COL4A4: variants seen among roughly 807,000 people sequenced by gnomAD.
The protein encoded by COL4A4 is collagen alpha-4(IV) chain.
Under a neutral mutation model 192.9 loss-of-function variants are expected in COL4A4, and 105 were observed. The observed-to-expected ratio is 0.54, with a 90% CI of 0.46 to 0.64. The LOEUF is 0.64. Among genes scored for constraint, COL4A4 ranks in the 30% least tolerant of loss-of-function variants. The probability of loss-of-function intolerance (pLI) is 0.00; values close to 1 mark genes in which losing one functional copy is unlikely to be tolerated. For synonymous variants in COL4A4, 762 were observed against 769.9 expected, an observed-to-expected ratio of 0.99 and a Z score of 0.17; for missense variants, 1,967 against 2,169.3, an observed-to-expected ratio of 0.91 and a Z score of 1.85.
chr2:227,058,809 T>C (rs1368879664), intron 28 of COL4A4, among the ~76,000 whole-genome samples: 2 of 152,110 alleles, frequency 1.3e-5, no homozygotes, highest in Non-Finnish European at 2.9e-5. Flanking sequence ...TTAAGTACAT[T>C]AAAACCTGAA....
At chr2:227,010,216 A>C in intron 46 of COL4A4, 97 bp downstream of exon 46, 1 of 1,238,640 alleles carries the variant, frequency 8.1e-7, no homozygotes, top group Non-Finnish European at 1.2e-6. Context: ...ATAATCCCAT[A>C]TAAGGTTAGT....
chr2:227,029,750 C>CA (rs752391457), intron 41 of COL4A4, among the ~76,000 whole-genome samples: 102 of 152,142 alleles, frequency 6.7e-4, no homozygotes, highest in South Asian at 2.1e-3. Flanking sequence ...CTGATCTCCC[C>CA]AAATATTAGC....
chr2:227,031,041 A>AGATGGATGGATGGACG (rs1968258291), intron 40 of COL4A4, among the ~76,000 whole-genome samples: 1 of 146,240 alleles, frequency 6.8e-6, no homozygotes, highest in Non-Finnish European at 1.5e-5. Flanking sequence ...TTGGATGGAC[A>AGATGGATGGATGGACG]GATGGATGGA....
intron 13 of COL4A4, among the ~76,000 whole-genome samples, chr2:227,103,523 C>G (rs2060642553): frequency 6.6e-6 from 1 of 152,176 alleles, no homozygotes; most frequent in Non-Finnish European, 1.5e-5. Context: ...ACAATAGAAT[C>G]TTCATGTGGC....
intron 12 of COL4A4, among the ~76,000 whole-genome samples, chr2:227,105,932 T>G (rs921357132): frequency 6.6e-6 from 1 of 152,036 alleles, no homozygotes; most frequent in Non-Finnish European, 1.5e-5. Flanking sequence ...ATAGATAATA[T>G]ACATAAAATG....
intron 42 of COL4A4, among the ~76,000 whole-genome samples, chr2:227,027,184 G>A (rs1465693632): frequency 2.0e-5 from 3 of 151,328 alleles, no homozygotes; most frequent in East Asian, 1.9e-4. Context: ...CCCAGGAGGC[G>A]GAGGCTGCAG....
intron 4 of COL4A4, among the ~76,000 whole-genome samples, chr2:227,127,650 G>A (rs1285486854): frequency 2.0e-5 from 3 of 152,158 alleles, no homozygotes; most frequent in African/African-American, 7.2e-5. Context: ...AGCCTTTTTG[G>A]CTGGCAATGA....
intron 43 of COL4A4, among the ~76,000 whole-genome samples, chr2:227,023,743 G>T (rs1364619850): frequency 6.6e-6 from 1 of 152,210 alleles, no homozygotes; most frequent in Non-Finnish European, 1.5e-5. Flanking sequence ...GCCAGGCGCG[G>T]TGGCTCATGC....
At chr2:226,981,014 G>T in the COL4A4 span, among the ~76,000 whole-genome samples, 1 of 152,142 alleles carries the variant, frequency 6.6e-6, no homozygotes, top group East Asian at 1.9e-4. Context: ...CCATTTCAAG[G>T]GTGTAAAACC....
Position 227,060,123 on chromosome 2 carries a change from A to AAAAAAC in COL4A4, c.2164+12_2164+13insGTTTTT. On this transcript the variant is annotated intron_variant, in intron 27 of 47. Coordinates refer to ENST00000396625, the MANE Select transcript of COL4A4 (RefSeq NM_000092.5). ...GCAGAAAAAAAAAAAAAAAAAAAAAAAACCTCACTGACCAGGTGGACCTGG... is the reference window on the plus strand; with the variant it reads ...GCAGAAAAAAAAAAAAAAAAAAAAAAAAAAACAACCTCACTGACCAGGTGGACCTGG... 1 of 1,446,576 alleles carries AAAAAAC rather than the reference A, an allele frequency of 6.9e-7. No homozygotes were observed. The highest frequency in any genetic ancestry group is 9.5e-7 in the Non-Finnish European group (1 of 1,053,012). The allele number at this position is 1,446,576 out of a possible 1,614,324, so 89.6% of individuals were successfully genotyped here.
intron 9 of COL4A4, among the ~76,000 whole-genome samples, chr2:227,110,888 G>C (rs1022981940): frequency 6.6e-6 from 1 of 151,258 alleles, no homozygotes; most frequent in Non-Finnish European, 1.5e-5. Flanking sequence ...CACCATGTTG[G>C]CCAGGCTGGT....
At chr2:227,104,397 C>T (rs6729065) in intron 12 of COL4A4, among the ~76,000 whole-genome samples, 89,686 of 138,100 alleles carry the variant, frequency 0.65, 29,192 homozygotes, top group Middle Eastern at 0.72. Flanking sequence ...GGTGAAACCC[C>T]GTCTCTACTA....
At position 227,121,785 on chromosome 2, in the gene COL4A4, CAT is replaced by C. The variant is rs367749613; in HGVS notation, c.193-639_193-638del. 2.4e-3 allele frequency among the ~76,000 whole-genome samples: 365 copies of C among 152,250 alleles called. 2 individuals are homozygous for C. Among genetic ancestry groups the C allele is most frequent in the African/African-American group, 8.5e-3 (354 of 41,550 alleles). The stretch of plus-strand genomic sequence containing the variant: ...GTATGTATGTGTGTGCACAGAAACA[CAT>C]ATATCAAGTGATTATAGTTATCTTA... On this transcript the variant is annotated intron_variant, in intron 4 of 47. Coordinates refer to ENST00000396625, the MANE Select transcript of COL4A4 (RefSeq NM_000092.5).
At chr2:227,140,920 CA>C (rs1283932121) in intron 3 of COL4A4, among the ~76,000 whole-genome samples, 38 of 141,950 alleles carry the variant, frequency 2.7e-4, no homozygotes, top group East Asian at 8.0e-4. Context: ...CACACACACA[CA>C]CCCTTTAGGA....
intron 8 of COL4A4, 158 bp downstream of exon 8, chr2:227,114,470 C>T: frequency 1.4e-6 from 1 of 732,156 alleles, no homozygotes; most frequent in Non-Finnish European, 2.5e-6. Flanking sequence ...CCACTGCCTT[C>T]ACACAAAAGC....
chr2:227,063,294 C>T (rs1977598945), intron 25 of COL4A4, among the ~76,000 whole-genome samples: 1 of 152,088 alleles, frequency 6.6e-6, no homozygotes, highest in Admixed American at 6.5e-5. Flanking sequence ...CTCTCAGTTC[C>T]CTCTCAGTTC....
intron 3 of COL4A4, among the ~76,000 whole-genome samples, chr2:227,141,757 T>G (rs2063223663): frequency 6.6e-6 from 1 of 152,082 alleles, no homozygotes; most frequent in Non-Finnish European, 1.5e-5. Flanking sequence ...GAGTTTTGAG[T>G]AATGTTGTTA....
chr2:227,132,066 G>A (rs1293387544), intron 4 of COL4A4, among the ~76,000 whole-genome samples: 1 of 152,190 alleles, frequency 6.6e-6, no homozygotes, highest in Non-Finnish European at 1.5e-5. Context: ...ACTGACAGAA[G>A]GCTTCTCCTT....
intron 41 of COL4A4, among the ~76,000 whole-genome samples, chr2:227,029,498 T>C (rs1292343677): frequency 1.3e-5 from 2 of 152,258 alleles, no homozygotes; most frequent in Admixed American, 6.5e-5. Context: ...ACTATAGTCA[T>C]GGCGGCCTCA....
Sources: gnomAD v4.1 joint callset for allele counts (sites outside exome capture counted in the v4.1 genomes callset) on GRCh38, gnomAD v4.1.1 for gene constraint, MANE v1.5 for transcripts, NCBI Gene and HGNC (gene_info 2026-07-23, HGNC 2026-07-21) for gene names.